The following THAP6 variants were observed in gnomAD, a reference collection of about 807,000 sequenced individuals.
THAP6 encodes the protein THAP domain-containing protein 6.
In THAP6, 13 loss-of-function variants were observed where a neutral mutation model predicts 20.0. The observed-to-expected ratio is 0.65, with a 90% CI of 0.42 to 1.03. The LOEUF is 1.03. THAP6 is among the 50% of genes least tolerant of loss of function. The probability of loss-of-function intolerance (pLI) is 0.00; values close to 1 mark genes in which losing one functional copy is unlikely to be tolerated. For synonymous variants in THAP6, 93 were observed against 92.2 expected (o/e 1.01, Z -0.05); for missense variants, 262 against 261.6 (o/e 1.00, Z -0.01).
At chr4:75,518,686 T>C (rs1020374758) in intron 3 of THAP6, among the ~76,000 whole-genome samples, 8 of 152,246 alleles carry the variant, frequency 5.3e-5, no homozygotes, top group African/African-American at 7.2e-5. Flanking sequence ...TATTAACTAC[T>C]ACTCTCCATG....
At chr4:75,525,577 G>A (rs1048832597) in intron 4 of THAP6, among the ~76,000 whole-genome samples, 5 of 151,832 alleles carry the variant, frequency 3.3e-5, no homozygotes, top group Non-Finnish European at 5.9e-5. Context: ...TGTCAGTTCC[G>A]GCTTGGTTTC....
chr4:75,530,525 C>G (rs1292069046), downstream of THAP6, among the ~76,000 whole-genome samples: 1 of 152,212 alleles, frequency 6.6e-6, no homozygotes, highest in African/African-American at 2.4e-5. Context: ...CTCCAATTAA[C>G]TAGTCCTCCC....
chr4:75,534,642 A>G (rs1431339273), downstream of THAP6, among the ~76,000 whole-genome samples: 4 of 152,222 alleles, frequency 2.6e-5, no homozygotes, highest in African/African-American at 9.6e-5. Flanking sequence ...AGAATGGGAG[A>G]AAATTTTTGC....
chr4:75,543,846 G>A (rs1372643547), intron 3 of THAP6, among the ~76,000 whole-genome samples: 1 of 152,142 alleles, frequency 6.6e-6, no homozygotes, highest in Non-Finnish European at 1.5e-5. Flanking sequence ...GTGTACATTT[G>A]TTTACCAGAA....
At chr4:75,526,372 C>T (rs890014333) in intron 4 of THAP6, among the ~76,000 whole-genome samples, 1 of 151,908 alleles carries the variant, frequency 6.6e-6, no homozygotes, top group Admixed American at 6.6e-5. Context: ...TTTATAGTAC[C>T]TTTATAAGCT....
upstream of THAP6, chr4:75,514,219 T>C (rs775631489): frequency 2.2e-5 from 35 of 1,613,002 alleles, no homozygotes; most frequent in Non-Finnish European, 2.8e-5. Flanking sequence ...TCCTCTGTCA[T>C]AGTGCTCGCA....
upstream of THAP6, chr4:75,514,416 C>T: frequency 2.8e-6 from 3 of 1,068,848 alleles, no homozygotes; most frequent in Non-Finnish European, 3.9e-6. Context: ...CTCCTAAGCA[C>T]GTGACCCGGG....
chr4:75,535,879 C>A (rs886544980), intron 2 of THAP6, among the ~76,000 whole-genome samples: 20 of 152,150 alleles, frequency 1.3e-4, no homozygotes, highest in African/African-American at 3.6e-4. Flanking sequence ...TTGCAATCTA[C>A]CTGGGTACCT....
rs1485978343 is a variant in THAP6 at position 75,527,635 on chromosome 4, T to C, written c.*421T>C. ...GAATTTTACTTTAAATGCATTTTAC[T>C]ACAAAGCACAATTCATTTGTAATGC... On this transcript the variant is annotated 3_prime_UTR_variant, in exon 5 of 5. Transcript: ENST00000311638. The C allele has an allele frequency of 3.0e-6, 3 of 1,002,200 alleles. No homozygotes were observed. In the Admixed American group the frequency reaches 1.6e-4, roughly 53 times the overall value. 62.1% of individuals were successfully genotyped at this position (1,002,200 alleles called of 1,614,324 possible).
chr4:75,539,773 T>C, intron 2 of THAP6: 6 of 1,515,622 alleles, frequency 4.0e-6, no homozygotes, highest in Non-Finnish European at 3.5e-6. Flanking sequence ...GTGAGAATTT[T>C]ATTTCATTGC....
intron 4 of THAP6, among the ~76,000 whole-genome samples, chr4:75,523,800 CA>C (rs74684663): frequency 0.14 from 10,221 of 72,776 alleles, 567 homozygotes; most frequent in East Asian, 0.25. Context: ...GAACCTGTCT[CA>C]AAAAAAAAAA....
intron 2 of THAP6, among the ~76,000 whole-genome samples, 175 bp from the exon 3 acceptor site, chr4:75,516,597 A>C (rs1001252061): frequency 2.0e-5 from 3 of 152,244 alleles, no homozygotes; most frequent in East Asian, 1.9e-4. Flanking sequence ...AGAAAATCTG[A>C]ATATTAAAAC....
At chr4:75,514,166 T>C, upstream of THAP6, 1 of 1,587,748 alleles carries the variant, frequency 6.3e-7, no homozygotes, top group Non-Finnish European at 8.6e-7. Context: ...TGACGGAAGC[T>C]TGTCAGGGAA....
intron 2 of THAP6, among the ~76,000 whole-genome samples, chr4:75,539,569 T>G (rs934197259): frequency 3.3e-5 from 5 of 152,338 alleles, no homozygotes; most frequent in African/African-American, 1.2e-4. Flanking sequence ...ACTTTGAAAG[T>G]GCTGTCCCAG....
chr4:75,533,959 G>T (rs1726776467), downstream of THAP6, among the ~76,000 whole-genome samples: 1 of 148,274 alleles, frequency 6.7e-6, no homozygotes, highest in East Asian at 2.0e-4. Context: ...CCCTTCCTGT[G>T]TCCAGGTGTT....
downstream of THAP6, among the ~76,000 whole-genome samples, chr4:75,533,276 T>G (rs1485271448): frequency 6.6e-6 from 1 of 152,166 alleles, no homozygotes; most frequent in Non-Finnish European, 1.5e-5. Flanking sequence ...TACTAAAACA[T>G]ATCAAGAGTC....
At chr4:75,519,790 C>T (rs1210673658) in intron 3 of THAP6, among the ~76,000 whole-genome samples, 9 of 151,692 alleles carry the variant, frequency 5.9e-5, no homozygotes, top group African/African-American at 9.7e-5. Context: ...AATAAACATA[C>T]GTGTGCATGT....
downstream of THAP6, among the ~76,000 whole-genome samples, chr4:75,534,298 AC>A (rs2148828151): frequency 6.6e-6 from 1 of 152,346 alleles, no homozygotes; most frequent in East Asian, 1.9e-4. Context: ...CCTGACAAAA[AC>A]AAGAAATGGG....
intron 1 of THAP6, 113 bp from the exon 2 acceptor site, chr4:75,515,320 A>G (rs1221865350): frequency 1.1e-6 from 1 of 934,160 alleles, no homozygotes; most frequent in East Asian, 2.5e-5. Context: ...AGAAGAAGAT[A>G]TTTGTCTTTA....
Sources: allele counts gnomAD v4.1 joint callset (sites outside exome capture counted in the v4.1 genomes callset), GRCh38; gene constraint gnomAD v4.1.1; transcripts MANE v1.5; gene names NCBI Gene and HGNC (gene_info 2026-07-23, HGNC 2026-07-21).